MECOM: variants seen among roughly 807,000 people sequenced by gnomAD.
MECOM encodes MDS1 and EVI1 complex locus.
A neutral mutation model predicts 116.3 loss-of-function variants in MECOM; 13 were observed. That is an observed-to-expected ratio of 0.11 (90% CI 0.07 to 0.18). The LOEUF (loss-of-function observed/expected upper bound fraction) is 0.18, where lower values mean the gene tolerates loss of function less well. MECOM is among the 10% of genes least tolerant of loss of function. MECOM has a pLI of 1.00. For synonymous variants in MECOM, 528 were observed against 535.2 expected, an observed-to-expected ratio of 0.99 and a Z score of 0.19; for missense variants, 1,299 against 1,509.0, an observed-to-expected ratio of 0.86 and a Z score of 2.31.
chr3:169,145,589 A>G (rs9870767), intron 2 of MECOM: 14,539 of 224,570 alleles, frequency 0.065, 2,003 homozygotes, highest in African/African-American at 0.29. Flanking sequence ...CCAAAGAAAT[A>G]TTTAATAAAG....
At chr3:169,097,939 A>G (rs941256510) in intron 12 of MECOM, among the ~76,000 whole-genome samples, 1 of 151,850 alleles carries the variant, frequency 6.6e-6, no homozygotes, top group African/African-American at 2.4e-5. Context: ...TTACTACATA[A>G]AGTATTAAAA....
intron 1 of MECOM, among the ~76,000 whole-genome samples, chr3:169,498,574 T>G (rs944279536): frequency 6.6e-6 from 1 of 152,220 alleles, no homozygotes; most frequent in Non-Finnish European, 1.5e-5. Flanking sequence ...AAAACTTCAC[T>G]GCCAGCCTCT....
intron 1 of MECOM, among the ~76,000 whole-genome samples, chr3:169,528,687 T>G (rs1293504053): frequency 6.6e-6 from 1 of 152,240 alleles, no homozygotes; most frequent in Non-Finnish European, 1.5e-5. Flanking sequence ...GATGGCCAAG[T>G]GGCTGTAAAG....
chr3:169,378,513 GAA>G (rs60888447), intron 2 of MECOM, among the ~76,000 whole-genome samples: 1 of 29,838 alleles, frequency 3.4e-5, no homozygotes, highest in Non-Finnish European at 6.1e-5. Flanking sequence ...AAGAAAGAAA[GAA>G]AAGAAAGAAA....
In MECOM at chr3:169,182,634, G is replaced by A. The variant is rs147749467; in HGVS notation, c.376-38802C>T. 5.3e-3 allele frequency among the ~76,000 whole-genome samples: 803 copies of A among 152,302 alleles called. 4 individuals carry two copies. Among genetic ancestry groups the A allele is most frequent in the South Asian group, 0.021 (101 of 4,824 alleles). On this transcript the variant is annotated intron_variant, in intron 2 of 16. Transcript: ENST00000651503. ...GCTTATATACTTTTCTTAAAAGAAAGTCATTTGGTGTCAATTTGCTTTGAT... is the reference window on the plus strand; with the variant it reads ...GCTTATATACTTTTCTTAAAAGAAAATCATTTGGTGTCAATTTGCTTTGAT...
chr3:169,097,817 T>TAAA lies in MECOM; in HGVS notation c.2850-2575_2850-2573dup, dbSNP rs539873617. On this transcript the variant is annotated intron_variant, in intron 12 of 16. Transcript: ENST00000651503. The stretch of plus-strand genomic sequence containing the variant: ...AACAGAGTGAGACCTACTGTCTATA[T>TAAA]AAAAAAAAAAAAAAAAAAAAAAAGG... Among the ~76,000 whole-genome samples the TAAA allele has an allele frequency of 1.5e-4, 13 of 87,206 alleles. 1 individual carries two copies. The highest frequency in any genetic ancestry group is 2.0e-4 in the African/African-American group (5 of 25,396). The allele number at this position is 87,206 out of a possible 152,430, so 57.2% of individuals were successfully genotyped here.
rs1403745172 is a variant in MECOM, at chr3:169,116,327, T to C, written c.1545A>G (p.Leu515=). Residue 515 remains leucine, a synonymous_variant, in exon 8 of 17, where the codon CTA becomes CTG. Coordinates refer to ENST00000651503, the MANE Select transcript of MECOM (RefSeq NM_004991.4). ...LIPASSPVKG[L]SSTEQTNKSQ... ...TTTTGTTTGTCTGTTCAGTACTTGA[T>C]AGTCCTTTAACAGGAGAACTAGCAG... 6.2e-7 allele frequency: 1 copy of C among 1,614,204 alleles called. No individual in the cohort carries two copies. Among genetic ancestry groups the C allele is most frequent in the Non-Finnish European group, 8.5e-7 (1 of 1,180,042 alleles).
intron 2 of MECOM, among the ~76,000 whole-genome samples, chr3:169,342,886 A>G (rs1345492026): frequency 6.6e-6 from 1 of 152,182 alleles, no homozygotes; most frequent in Admixed American, 6.5e-5. Context: ...GGATTCGTCC[A>G]GCCAGCTGAT....
intron 1 of MECOM, among the ~76,000 whole-genome samples, chr3:169,653,163 A>C (rs560784364): frequency 1.1e-4 from 17 of 152,194 alleles, no homozygotes; most frequent in Non-Finnish European, 2.1e-4. Context: ...GAAATGTCAG[A>C]TATCCCAGAA....
chr3:169,584,371 T>G (rs6444864), intron 1 of MECOM, among the ~76,000 whole-genome samples: 4 of 150,738 alleles, frequency 2.7e-5, no homozygotes, highest in Non-Finnish European at 3.0e-5. Context: ...AGAGACCATC[T>G]TGGCTAACAC....
At chr3:169,271,001 A>G (rs547572779) in intron 2 of MECOM, among the ~76,000 whole-genome samples, 1 of 152,334 alleles carries the variant, frequency 6.6e-6, no homozygotes, top group East Asian at 1.9e-4. Context: ...GTCCATATTT[A>G]AGTGTGAGAT....
intron 4 of MECOM, among the ~76,000 whole-genome samples, chr3:169,129,801 T>G (rs1734068163): frequency 6.6e-6 from 1 of 152,188 alleles, no homozygotes; most frequent in Non-Finnish European, 1.5e-5. Flanking sequence ...TTACTAGCCA[T>G]GCATTCTTGG....
chr3:169,122,744 A>C lies in MECOM; in HGVS notation c.831-17T>G. ...TTCTCCAGGCTGTTAAGAGAACAAT[A>C]GATTTTAAAAGACAAAGGATGCATT... is the stretch of plus-strand genomic sequence containing the variant. On this transcript the variant is annotated splice_polypyrimidine_tract_variant and intron_variant, in intron 5 of 16. Transcript: ENST00000651503. 6.2e-7 allele frequency: 1 copy of C among 1,610,576 alleles called. No homozygotes were observed. The highest frequency in any genetic ancestry group is 2.2e-5 in the East Asian group (1 of 44,788).
In MECOM at chr3:169,306,424, G is replaced by A. The variant is rs539529381; in HGVS notation, c.375+74763C>T. 7.9e-5 allele frequency among the ~76,000 whole-genome samples: 12 copies of A among 152,326 alleles called. No individual in the cohort carries two copies. In the South Asian group the frequency reaches 1.2e-3, roughly 16 times the overall value. ...CAGCTGGGCTCAGTGGCTCACTCCT[G>A]TAATCCCAGCACTTTGGGAGGCCAA... On this transcript the variant is annotated intron_variant, in intron 2 of 16. Transcript: ENST00000651503.
At chr3:169,101,441 G>A (rs1219867092) in intron 11 of MECOM, among the ~76,000 whole-genome samples, 1 of 152,076 alleles carries the variant, frequency 6.6e-6, no homozygotes, top group Non-Finnish European at 1.5e-5. Context: ...ATCAAGGTAT[G>A]TACCCATAAA....
chr3:169,655,566 C>T (rs532893817), intron 1 of MECOM, among the ~76,000 whole-genome samples: 1 of 152,204 alleles, frequency 6.6e-6, no homozygotes, highest in South Asian at 2.1e-4. Flanking sequence ...TCCCCCTCAC[C>T]CCGACTCCAA....
At chr3:169,534,738 G>A (rs1759124585) in intron 1 of MECOM, among the ~76,000 whole-genome samples, 1 of 152,156 alleles carries the variant, frequency 6.6e-6, no homozygotes. Context: ...CATCCCATGA[G>A]CAAGGTGCTA....
chr3:169,288,356 G>T (rs796237854), intron 2 of MECOM, among the ~76,000 whole-genome samples: 6 of 152,038 alleles, frequency 3.9e-5, no homozygotes, highest in African/African-American at 1.4e-4. Flanking sequence ...AACATAAAGA[G>T]TATCTTTCTT....
chr3:169,348,924 A>T (rs967884328), intron 2 of MECOM, among the ~76,000 whole-genome samples: 2 of 151,756 alleles, frequency 1.3e-5, no homozygotes, highest in Non-Finnish European at 2.9e-5. Flanking sequence ...TCAAATATTG[A>T]GTTGTTTTAC....
Sources: gnomAD v4.1 joint callset for allele counts (sites outside exome capture counted in the v4.1 genomes callset) on GRCh38, gnomAD v4.1.1 for gene constraint, MANE v1.5 for transcripts, NCBI Gene and HGNC (gene_info 2026-07-23, HGNC 2026-07-21) for gene names.